The following IMMT variants were observed in gnomAD, a reference collection of about 807,000 sequenced individuals.
IMMT encodes the protein inner membrane mitochondrial protein.
In IMMT, 40 loss-of-function variants were observed where a neutral mutation model predicts 92.7. That is an observed-to-expected ratio of 0.43 (90% CI 0.34 to 0.56). IMMT has a LOEUF of 0.56. Among genes scored for constraint, IMMT ranks in the 20% least tolerant of loss-of-function variants. The pLI, the probability that IMMT is intolerant of heterozygous loss-of-function variation, is 0.03. For missense variants in IMMT, 831 were observed against 912.1 expected (o/e 0.91, Z 1.14); for synonymous variants, 322 against 336.1 (o/e 0.96, Z 0.46).
At chr2:86,146,614 C>A (rs1267565520) in intron 13 of IMMT, among the ~76,000 whole-genome samples, 1 of 152,144 alleles carries the variant, frequency 6.6e-6, no homozygotes, top group Non-Finnish European at 1.5e-5. Flanking sequence ...CCGCCCACCT[C>A]GGCCTCCCAA....
chr2:86,179,620 A>T lies in IMMT; in HGVS notation c.122T>A (p.Leu41Ter). Residue 41 changes from leucine (L) to a stop codon, truncating the protein, a stop_gained and splice_region_variant, in exon 3 of 15, where the codon TTG (leucine) becomes TAG (stop). Transcript: ENST00000410111. LOFTEE classifies it high-confidence loss of function. ...RRYSTSGSSGLTTGKIAGAGL... is the reference protein window; with the variant it reads ...RRYSTSGSSG ...AGCTCCAGCAATTTTGCCAGTAGTCAACCTAAGTGAAAGAAACAGGAAATA... is the reference window on the plus strand; with the variant it reads ...AGCTCCAGCAATTTTGCCAGTAGTCTACCTAAGTGAAAGAAACAGGAAATA... 4 of 1,587,770 alleles carry T rather than the reference A, an allele frequency of 2.5e-6. No individual in the cohort carries two copies. The highest frequency in any genetic ancestry group is 3.4e-6 in the Non-Finnish European group (4 of 1,171,350).
intron 12 of IMMT, among the ~76,000 whole-genome samples, chr2:86,150,955 C>T (rs1048757226): frequency 2.6e-5 from 4 of 151,004 alleles, no homozygotes; most frequent in Non-Finnish European, 1.5e-5. Flanking sequence ...CTTGCTCCAT[C>T]GCCCAAGCTG....
intron 7 of IMMT, among the ~76,000 whole-genome samples, chr2:86,164,174 C>A (rs1193340236): frequency 3.4e-5 from 5 of 145,718 alleles, no homozygotes; most frequent in Non-Finnish European, 7.5e-5. Context: ...TCTCCTGCGT[C>A]AGTCTCCCGA....
At chr2:86,174,788 TTC>T (rs1677322118) in intron 3 of IMMT, among the ~76,000 whole-genome samples, 2 of 152,228 alleles carry the variant, frequency 1.3e-5, no homozygotes, top group South Asian at 4.1e-4. Context: ...GGTCAAGAAA[TTC>T]TGTTTAGTTG....
chr2:86,192,202 C>T (rs954320450), intron 1 of IMMT, among the ~76,000 whole-genome samples: 2 of 152,154 alleles, frequency 1.3e-5, no homozygotes. Context: ...TGCTGTACTC[C>T]AGCCTGGGCA....
chr2:86,168,046 G>C (rs934465307), intron 6 of IMMT, among the ~76,000 whole-genome samples: 1 of 151,942 alleles, frequency 6.6e-6, no homozygotes, highest in Admixed American at 6.6e-5. Context: ...ATGTTGACAA[G>C]ATACAAGAAA....
In IMMT at chr2:86,143,955, T is replaced by C. The variant is rs974594557; in HGVS notation, c.*313A>G. The C allele has an allele frequency of 3.4e-5, 14 of 413,314 alleles. No homozygotes were observed. Among genetic ancestry groups the C allele is most frequent in the African/African-American group, 2.6e-4 (13 of 49,446 alleles). 25.6% of individuals were successfully genotyped at this position (413,314 alleles called of 1,614,324 possible). A position where few individuals can be genotyped will look rare whatever the true frequency, so the allele number is the denominator to read the frequency against. On this transcript the variant is annotated 3_prime_UTR_variant, in exon 15 of 15. Coordinates refer to ENST00000410111, the MANE Select transcript of IMMT (RefSeq NM_006839.3). ...ACTCAGTTTTCATCTTGTTGCTTTA[T>C]TCAGTTTGCTCCGAGGGCAAAATCA...
chr2:86,154,983 C>T lies in IMMT; in HGVS notation c.1163-1409G>A, dbSNP rs1019091689. Among the ~76,000 whole-genome samples, 8 of 152,198 alleles carry T rather than the reference C, an allele frequency of 5.3e-5. 1 individual carries two copies. The highest frequency in any genetic ancestry group is 1.9e-4 in the African/African-American group (8 of 41,456). On this transcript the variant is annotated intron_variant, in intron 10 of 14. Coordinates refer to ENST00000410111, the MANE Select transcript of IMMT (RefSeq NM_006839.3). Reference sequence around the variant, plus strand: ...GTTCAAGTGATTCTCTTGCCTCAGCCTCCCGAGTAGCTAGGACCACAGGCG... The same window carrying T: ...GTTCAAGTGATTCTCTTGCCTCAGCTTCCCGAGTAGCTAGGACCACAGGCG...
At chr2:86,156,214 A>T (rs2104801184) in intron 10 of IMMT, among the ~76,000 whole-genome samples, 1 of 152,268 alleles carries the variant, frequency 6.6e-6, no homozygotes, top group Non-Finnish European at 1.5e-5. Flanking sequence ...GTTGCGGCAA[A>T]CAAAAATGTC....
At chr2:86,147,396 T>C (rs1675102149) in intron 13 of IMMT, among the ~76,000 whole-genome samples, 1 of 152,200 alleles carries the variant, frequency 6.6e-6, no homozygotes, top group Non-Finnish European at 1.5e-5. Flanking sequence ...GTTATAAAAA[T>C]CTAAGCAGTA....
At chr2:86,184,774 G>T (rs1238678731) in intron 1 of IMMT, among the ~76,000 whole-genome samples, 1 of 151,746 alleles carries the variant, frequency 6.6e-6, no homozygotes, top group Non-Finnish European at 1.5e-5. Flanking sequence ...TGGAGGAAAA[G>T]ATATTCTTGT....
intron 6 of IMMT, among the ~76,000 whole-genome samples, chr2:86,167,010 A>C (rs1413340352): frequency 6.0e-5 from 9 of 151,004 alleles, no homozygotes; most frequent in South Asian, 2.1e-4. Context: ...AGGCAGGAGA[A>C]TCGCTTGAAC....
At chr2:86,177,811 A>G (rs2105355001) in intron 3 of IMMT, among the ~76,000 whole-genome samples, 1 of 152,254 alleles carries the variant, frequency 6.6e-6, no homozygotes, top group South Asian at 2.1e-4. Flanking sequence ...ATAGTGTTCT[A>G]AGTAAGAGCT....
chr2:86,153,069 G>A (rs1158429255), intron 11 of IMMT, among the ~76,000 whole-genome samples: 2 of 152,054 alleles, frequency 1.3e-5, no homozygotes, highest in Admixed American at 1.3e-4. Flanking sequence ...CTAAGTTTTA[G>A]GTGTGATAAT....
At chr2:86,175,654 T>C (rs151122651) in intron 3 of IMMT, among the ~76,000 whole-genome samples, 3 of 151,482 alleles carry the variant, frequency 2.0e-5, no homozygotes, top group East Asian at 1.9e-4. Context: ...ACTAAAAAGG[T>C]TACTATGAAA....
intron 4 of IMMT, 153 bp downstream of exon 4, chr2:86,173,497 T>C (rs1644326710): frequency 5.3e-6 from 3 of 570,418 alleles, no homozygotes; most frequent in Admixed American, 6.2e-5. Context: ...GGAGAATCGC[T>C]TGAACCTGGG....
chr2:86,181,371 C>T lies in IMMT; in HGVS notation c.47G>A (p.Ser16Asn). 3 of 1,612,818 alleles carry T rather than the reference C, an allele frequency of 1.9e-6. No homozygotes were observed. The highest frequency in any genetic ancestry group is 2.5e-6 in the Non-Finnish European group (3 of 1,178,972). Reference sequence around the variant, plus strand: ...GAGGACAAACTTCCCACAGAGACAACTCTAAAGAAGGAAAACACATCACAA... The same window carrying T: ...GAGGACAAACTTCCCACAGAGACAATTCTAAAGAAGGAAAACACATCACAA... Reference protein sequence around the residue: ...QLSGVTAAAQSCLCGKFVLRP... With the variant: ...QLSGVTAAAQNCLCGKFVLRP... The change falls in exon 2 of 15, where the codon AGT becomes AAT. Residue 16 changes from serine to asparagine, a missense_variant and splice_region_variant. Ser to Asn is a conservative substitution (Grantham distance 46). Transcript: ENST00000410111.
chr2:86,147,068 G>T (rs1217428960), intron 13 of IMMT, among the ~76,000 whole-genome samples: 1 of 152,114 alleles, frequency 6.6e-6, no homozygotes, highest in Admixed American at 6.5e-5. Flanking sequence ...GCCACAAATT[G>T]TCAGCTTTAG....
In IMMT at chr2:86,153,564, G is replaced by T; in HGVS notation, c.1173C>A (p.Asp391Glu). The change falls in exon 11 of 15, where the codon GAC becomes GAA. Residue 391 changes from aspartate to glutamate, a missense_variant. Asp to Glu is a conservative substitution (Grantham distance 45). Coordinates refer to ENST00000410111, the MANE Select transcript of IMMT (RefSeq NM_006839.3). ...LPGWKGMSVS[D>E]LADKLSTDDL... The stretch of plus-strand genomic sequence containing the variant: ...TGAAATATACATAACACTCACCTAA[G>T]TCTGAAACACCTACAAAGGAAAAAA... 2 of 1,477,054 alleles carry T rather than the reference G, an allele frequency of 1.4e-6. No homozygotes were observed. Among genetic ancestry groups the T allele is most frequent in the South Asian group, 1.3e-5 (1 of 76,816 alleles). 91.5% of individuals were successfully genotyped at this position (1,477,054 alleles called of 1,614,324 possible).
Sources: allele counts gnomAD v4.1 joint callset (sites outside exome capture counted in the v4.1 genomes callset), GRCh38; gene constraint gnomAD v4.1.1; transcripts MANE v1.5; gene names NCBI Gene and HGNC (gene_info 2026-07-23, HGNC 2026-07-21).